Variants in ATP11A observed in about 807,000 individuals in gnomAD.
The protein encoded by ATP11A is phospholipid-transporting ATPase IH.
In ATP11A, 81 loss-of-function variants were observed where a neutral mutation model predicts 154.4. The ratio of observed to expected loss-of-function variants is 0.52; its 90% CI spans 0.44 to 0.63. The LOEUF (loss-of-function observed/expected upper bound fraction) is 0.63. Ranked by LOEUF, ATP11A falls within the 30% of genes least tolerant of loss-of-function variation. ATP11A has a pLI of 0.00. For synonymous variants in ATP11A, 623 were observed against 585.9 expected, an observed-to-expected ratio of 1.06 and a Z score of -0.91; for missense variants, 1,316 against 1,474.3, an observed-to-expected ratio of 0.89 and a Z score of 1.76.
rs146333244 is a variant in ATP11A at position 112,807,991 on chromosome 13, G to A, written c.333+1698G>A. On this transcript the variant is annotated intron_variant, in intron 4 of 29. Transcript: ENST00000375645. The surrounding 1 kb of genome is among the most constrained non-coding windows in gnomAD (Gnocchi z 4.5). ...ATCCCTCCCGGGACTCTACTGAGCA[G>A]GAAACTCCTGAGATCTCCAGGAGTG... Among the ~76,000 whole-genome samples the A allele has an allele frequency of 7.1e-3, 1,087 of 152,252 alleles. 18 individuals carry two copies. Among genetic ancestry groups the A allele is most frequent in the African/African-American group, 0.024 (1,007 of 41,542 alleles).
At chr13:112,770,052 C>G (rs1189226358) in intron 1 of ATP11A, among the ~76,000 whole-genome samples, 1 of 152,202 alleles carries the variant, frequency 6.6e-6, no homozygotes, top group African/African-American at 2.4e-5. Flanking sequence ...CCTGGACGTG[C>G]TGTGGGCTCC....
intron 1 of ATP11A, among the ~76,000 whole-genome samples, chr13:112,742,131 C>T (rs1350767508): frequency 6.6e-6 from 1 of 152,212 alleles, no homozygotes; most frequent in African/African-American, 2.4e-5. Context: ...GGAGCAGCCA[C>T]CCCTGGAGGC....
intron 5 of ATP11A, among the ~76,000 whole-genome samples, chr13:112,813,946 C>A (rs71446653): frequency 6.6e-6 from 1 of 152,022 alleles, no homozygotes; most frequent in Admixed American, 6.5e-5. Context: ...GTCATATAAT[C>A]TAGATAGTAA....
At chr13:112,845,892 T>G (rs1271656764) in intron 17 of ATP11A, among the ~76,000 whole-genome samples, 1 of 152,212 alleles carries the variant, frequency 6.6e-6, no homozygotes, top group Non-Finnish European at 1.5e-5. Context: ...TGCCGGGCAC[T>G]CGCAGTGCTA....
intron 1 of ATP11A, among the ~76,000 whole-genome samples, chr13:112,750,567 C>T (rs529454354): frequency 5.0e-5 from 7 of 138,804 alleles, no homozygotes; most frequent in Admixed American, 1.5e-4. Context: ...TTCAGCCTCT[C>T]GTGAATTTCT....
intron 1 of ATP11A, among the ~76,000 whole-genome samples, chr13:112,766,780 T>A (rs2077087327): frequency 7.0e-6 from 1 of 142,010 alleles, no homozygotes. Flanking sequence ...CATGGATTCC[T>A]GTGAGGAGGA....
intron 18 of ATP11A, among the ~76,000 whole-genome samples, chr13:112,853,834 G>A (rs1224822457): frequency 1.1e-4 from 17 of 152,146 alleles, no homozygotes; most frequent in Admixed American, 1.0e-3. Flanking sequence ...GGTTCTAAGT[G>A]ACAAACTTAG....
At chr13:112,854,617 G>T (rs750988240) in intron 19 of ATP11A, 87 bp downstream of exon 19, 4 of 1,456,584 alleles carry the variant, frequency 2.7e-6, no homozygotes, top group East Asian at 2.3e-5. Context: ...TCGGGGAGCC[G>T]CATTGTCTCT....
intron 1 of ATP11A, among the ~76,000 whole-genome samples, chr13:112,725,844 T>C (rs1025778894): frequency 1.3e-5 from 2 of 152,084 alleles, no homozygotes; most frequent in Non-Finnish European, 2.9e-5. Context: ...GTGAGAACGA[T>C]AGAAATGGGT....
chr13:112,720,550 T>A (rs772726895), intron 1 of ATP11A, among the ~76,000 whole-genome samples: 2 of 151,254 alleles, frequency 1.3e-5, no homozygotes, highest in East Asian at 3.9e-4. Context: ...CTGGGTAGAG[T>A]CTGTTTGTTT....
intron 4 of ATP11A, 150 bp downstream of exon 4, chr13:112,806,443 G>A (rs1158011381): frequency 3.2e-6 from 2 of 630,728 alleles, no homozygotes; most frequent in African/African-American, 1.8e-5. Flanking sequence ...GCGTTAGATT[G>A]ATACTTGAAG....
intron 1 of ATP11A, among the ~76,000 whole-genome samples, chr13:112,776,058 C>T (rs1276153902): frequency 2.6e-5 from 4 of 152,222 alleles, no homozygotes; most frequent in Admixed American, 6.5e-5. Flanking sequence ...CCTGGGAGCC[C>T]GTGGAGGCGG....
chr13:112,727,765 G>A (rs550824861), intron 1 of ATP11A, among the ~76,000 whole-genome samples: 5 of 152,344 alleles, frequency 3.3e-5, no homozygotes, highest in Admixed American at 1.3e-4. Context: ...AATGCAGATC[G>A]GCTTTCATCT....
chr13:112,836,807 G>C (rs566670078), intron 16 of ATP11A, among the ~76,000 whole-genome samples: 1 of 152,204 alleles, frequency 6.6e-6, no homozygotes, highest in Non-Finnish European at 1.5e-5. Context: ...CCCTGTGGCC[G>C]CCATGATGTT....
chr13:112,831,491 C>G lies in ATP11A; in HGVS notation c.1338C>G (p.Val446=), dbSNP rs750286297. ...CCCACGTCATCTGCAACGGGCAGGT[C>G]CTCCCAGAGTCGTCAGGAATCGACA... ...YVPHVICNGQ[V]LPESSGIDMI... Residue 446 remains valine, a synonymous_variant, in exon 13 of 30, where the codon GTC becomes GTG. Transcript: ENST00000375645. 1.2e-6 allele frequency: 2 copies of G among 1,614,070 alleles called. No individual in the cohort carries two copies. Among genetic ancestry groups the G allele is most frequent in the Non-Finnish European group, 1.7e-6 (2 of 1,180,046 alleles).
intron 18 of ATP11A, among the ~76,000 whole-genome samples, chr13:112,852,315 T>C (rs1052026270): frequency 1.3e-5 from 2 of 152,234 alleles, no homozygotes; most frequent in African/African-American, 2.4e-5. Context: ...GAAATCCTTA[T>C]CACTAACCCT....
chr13:112,693,889 T>C (rs765175435), intron 1 of ATP11A, among the ~76,000 whole-genome samples: 1 of 151,948 alleles, frequency 6.6e-6, no homozygotes, highest in Non-Finnish European at 1.5e-5. Flanking sequence ...AAGGCGGAGG[T>C]TGCAGTGAGC....
chr13:112,820,479 G>C (rs891054139), intron 8 of ATP11A, among the ~76,000 whole-genome samples: 61 of 152,218 alleles, frequency 4.0e-4, no homozygotes, highest in African/African-American at 1.4e-3. Flanking sequence ...GTTGGCTGCT[G>C]TGCCTTCCCA....
intron 25 of ATP11A, among the ~76,000 whole-genome samples, chr13:112,868,992 G>A (rs1015105396): frequency 9.9e-5 from 15 of 152,088 alleles, no homozygotes; most frequent in Middle Eastern, 3.4e-3. Context: ...CACCGTCAAC[G>A]AGATCTGCAA....
Sources: gnomAD v4.1 joint callset for allele counts (sites outside exome capture counted in the v4.1 genomes callset) on GRCh38, gnomAD v4.1.1 for gene constraint, Gnocchi (gnomAD v3.1) non-coding constraint, MANE v1.5 for transcripts, NCBI Gene and HGNC (gene_info 2026-07-23, HGNC 2026-07-21) for gene names.